The following DLC1 variants were observed in gnomAD, a reference collection of about 807,000 sequenced individuals.
DLC1 encodes the protein DLC1 Rho GTPase activating protein.
In DLC1, 54 loss-of-function variants were observed where a neutral mutation model predicts 140.3. The observed-to-expected ratio is 0.38, with a 90% confidence interval of 0.31 to 0.48. The LOEUF (loss-of-function observed/expected upper bound fraction) is 0.48, where lower values mean the gene tolerates loss of function less well. DLC1 is among the 20% of genes least tolerant of loss of function. The pLI is 0.96. For missense variants in DLC1, 2,536 were observed against 1,907.0 expected (o/e 1.33, Z -6.14); for synonymous variants, 986 against 728.1 (o/e 1.35, Z -5.70).
intron 1 of DLC1, among the ~76,000 whole-genome samples, chr8:13,528,989 T>A (rs1803007649): frequency 6.6e-6 from 1 of 152,212 alleles, no homozygotes; most frequent in Non-Finnish European, 1.5e-5. Flanking sequence ...TATGTCTGAA[T>A]AGCTATGCCA....
At chr8:13,440,335 T>C (rs903468657) in intron 2 of DLC1, among the ~76,000 whole-genome samples, 4 of 152,174 alleles carry the variant, frequency 2.6e-5, no homozygotes. Context: ...TCACAAATGC[T>C]ACTAATACAA....
chr8:13,577,995 A>C (rs1804905500), intron 1 of DLC1, among the ~76,000 whole-genome samples: 1 of 148,766 alleles, frequency 6.7e-6, no homozygotes, highest in African/African-American at 2.5e-5. Flanking sequence ...ACTGAGGATC[A>C]GGTTCTATAG....
At chr8:13,219,875 CA>C (rs1401891714) in intron 5 of DLC1, among the ~76,000 whole-genome samples, 5 of 152,106 alleles carry the variant, frequency 3.3e-5, no homozygotes, top group African/African-American at 4.8e-5. Context: ...ATGCTACACA[CA>C]TGGATGAATT....
intron 1 of DLC1, among the ~76,000 whole-genome samples, chr8:13,575,674 T>G (rs1443705605): frequency 6.6e-6 from 1 of 152,228 alleles, no homozygotes; most frequent in Non-Finnish European, 1.5e-5. Context: ...TTTCATTTAA[T>G]TAAATTTTAG....
intron 7 of DLC1, among the ~76,000 whole-genome samples, chr8:13,103,389 A>C (rs1819272374): frequency 6.6e-6 from 1 of 151,984 alleles, no homozygotes; most frequent in South Asian, 2.1e-4. Context: ...TTTTCACTTT[A>C]ATTTTTATAT....
At chr8:13,300,710 T>C (rs1832156477) in intron 5 of DLC1, among the ~76,000 whole-genome samples, 2 of 151,988 alleles carry the variant, frequency 1.3e-5, no homozygotes, top group South Asian at 4.2e-4. Context: ...CAAATGGCCA[T>C]GTATGGACAG....
chr8:13,303,340 C>T (rs868037433), intron 5 of DLC1, among the ~76,000 whole-genome samples: 2 of 151,860 alleles, frequency 1.3e-5, no homozygotes, highest in African/African-American at 2.4e-5. Context: ...TTTAATCTCT[C>T]GATTCTTTTA....
intron 2 of DLC1, among the ~76,000 whole-genome samples, chr8:13,487,772 C>T (rs1801039218): frequency 6.6e-6 from 1 of 152,054 alleles, no homozygotes; most frequent in African/African-American, 2.4e-5. Flanking sequence ...AGAGTTTCAC[C>T]ATCTTGGCCA....
At chr8:13,229,992 G>C (rs1331494819) in intron 5 of DLC1, among the ~76,000 whole-genome samples, 1 of 152,194 alleles carries the variant, frequency 6.6e-6, no homozygotes, top group Non-Finnish European at 1.5e-5. Flanking sequence ...AAAGAAAACA[G>C]ATGCACAGAC....
intron 4 of DLC1, among the ~76,000 whole-genome samples, chr8:13,364,415 C>T (rs1172736636): frequency 6.6e-6 from 1 of 152,060 alleles, no homozygotes; most frequent in Non-Finnish European, 1.5e-5. Flanking sequence ...TCTCCTGCCT[C>T]AGCCTCCTGA....
At chr8:13,412,546 T>C (rs1027369701) in intron 2 of DLC1, among the ~76,000 whole-genome samples, 2 of 152,166 alleles carry the variant, frequency 1.3e-5, no homozygotes, top group African/African-American at 4.8e-5. Flanking sequence ...GGCACCATCA[T>C]TTCTTGGATC....
chr8:13,414,973 GC>G (rs1300307032), intron 2 of DLC1, among the ~76,000 whole-genome samples: 1 of 151,946 alleles, frequency 6.6e-6, no homozygotes, highest in African/African-American at 2.4e-5. Context: ...ACCATGCCTG[GC>G]TAATTTTTTT....
At chr8:13,453,404 G>GTATATA (rs1252499122) in intron 2 of DLC1, among the ~76,000 whole-genome samples, 304 of 22,872 alleles carry the variant, frequency 0.013, 18 homozygotes, top group African/African-American at 0.056. Context: ...ATATATATGT[G>GTATATA]TATATATATA....
intron 1 of DLC1, among the ~76,000 whole-genome samples, chr8:13,542,344 C>G (rs377197320): frequency 1.2e-4 from 18 of 152,200 alleles, no homozygotes; most frequent in East Asian, 9.6e-4. Context: ...ATTTTGCTGA[C>G]ATTAAATTGA....
chr8:13,311,915 G>A (rs1407033618), intron 4 of DLC1, among the ~76,000 whole-genome samples: 1 of 152,076 alleles, frequency 6.6e-6, no homozygotes, highest in Admixed American at 6.6e-5. Flanking sequence ...TGGTGACTCT[G>A]TCTTCAACAA....
intron 5 of DLC1, chr8:13,133,284 C>T (rs1291642169): frequency 4.6e-6 from 6 of 1,295,658 alleles, no homozygotes; most frequent in East Asian, 3.7e-5. Flanking sequence ...GCAGTCGGAG[C>T]GAACTGTCTC....
At chr8:13,467,552 A>C (rs943086576) in intron 2 of DLC1, among the ~76,000 whole-genome samples, 2 of 151,842 alleles carry the variant, frequency 1.3e-5, no homozygotes, top group African/African-American at 4.8e-5. Flanking sequence ...GCTTGAGTCC[A>C]TCATAGAGAG....
intron 1 of DLC1, among the ~76,000 whole-genome samples, chr8:13,587,568 CAGAG>C (rs71519975): frequency 0.011 from 1,620 of 144,342 alleles, 15 homozygotes; most frequent in Non-Finnish European, 0.017. Context: ...CACACACACA[CAGAG>C]AGAGAGAAAA....
chr8:13,489,266 A>G (rs1010888276), intron 2 of DLC1, among the ~76,000 whole-genome samples: 1 of 152,110 alleles, frequency 6.6e-6, no homozygotes, highest in Non-Finnish European at 1.5e-5. Flanking sequence ...ATTTAATGAT[A>G]AAACTTGATG....
Sources: allele counts gnomAD v4.1 joint callset (sites outside exome capture counted in the v4.1 genomes callset), GRCh38; gene constraint gnomAD v4.1.1; transcripts MANE v1.5; gene names NCBI Gene and HGNC (gene_info 2026-07-23, HGNC 2026-07-21).